Variants in MAD1L1 observed in about 807,000 individuals in gnomAD.
MAD1L1 encodes the protein mitotic spindle assembly checkpoint protein MAD1.
MAD1L1 carries 95 observed loss-of-function variants against 96.9 expected under a neutral mutation model. That is an observed-to-expected ratio of 0.98 (90% CI 0.83 to 1.16). MAD1L1 has a LOEUF of 1.16. Among genes scored for constraint, MAD1L1 ranks in the 50% most tolerant of loss-of-function variants. The pLI, the probability that MAD1L1 is intolerant of heterozygous loss-of-function variation, is 0.00. For synonymous variants in MAD1L1, 473 were observed against 396.6 expected, an observed-to-expected ratio of 1.19 and a Z score of -2.29; for missense variants, 1,007 against 954.4, an observed-to-expected ratio of 1.06 and a Z score of -0.73.
At chr7:1,894,729 T>TA (rs1786760422) in intron 18 of MAD1L1, among the ~76,000 whole-genome samples, 1 of 151,178 alleles carries the variant, frequency 6.6e-6, no homozygotes, top group Non-Finnish European at 1.5e-5. Context: ...AGCGGGGTGC[T>TA]AGGCACAGCT....
intron 13 of MAD1L1, among the ~76,000 whole-genome samples, chr7:2,013,471 G>A (rs996860950): frequency 2.6e-5 from 4 of 152,176 alleles, no homozygotes; most frequent in Admixed American, 6.5e-5. Flanking sequence ...ACACCAGCTC[G>A]GTGACCTGGG....
At chr7:2,030,671 G>T (rs576044872) in intron 12 of MAD1L1, among the ~76,000 whole-genome samples, 10 of 152,348 alleles carry the variant, frequency 6.6e-5, no homozygotes, top group Non-Finnish European at 1.5e-4. Flanking sequence ...AGAGGAAACT[G>T]AGAATGAGGA....
intron 14 of MAD1L1, among the ~76,000 whole-genome samples, chr7:1,985,911 C>T (rs923535858): frequency 6.6e-6 from 1 of 152,204 alleles, no homozygotes. Flanking sequence ...TCTACCGCCT[C>T]GTTAACTTTT....
chr7:2,185,506 A>T (rs550951935), intron 10 of MAD1L1, among the ~76,000 whole-genome samples: 3 of 152,232 alleles, frequency 2.0e-5, no homozygotes, highest in African/African-American at 7.2e-5. Context: ...TTATTATCTC[A>T]AAAAAATGTT....
chr7:2,113,343 G>A (rs1269535818), intron 11 of MAD1L1, among the ~76,000 whole-genome samples: 2 of 152,240 alleles, frequency 1.3e-5, no homozygotes, highest in African/African-American at 2.4e-5. Flanking sequence ...GCTTTGGGAG[G>A]CTGAGGTGGG....
chr7:1,880,834 A>G (rs1448098305), intron 18 of MAD1L1, among the ~76,000 whole-genome samples: 2 of 152,184 alleles, frequency 1.3e-5, no homozygotes, highest in Non-Finnish European at 2.9e-5. Flanking sequence ...TGGAACTGAG[A>G]GACGGTGAGC....
At chr7:1,861,997 G>A (rs909044801) in intron 18 of MAD1L1, among the ~76,000 whole-genome samples, 1 of 152,172 alleles carries the variant, frequency 6.6e-6, no homozygotes, top group Non-Finnish European at 1.5e-5. Context: ...GAGCCCCACC[G>A]CCATGCAGGG....
intron 12 of MAD1L1, among the ~76,000 whole-genome samples, chr7:2,031,013 C>T (rs1783201503): frequency 6.6e-6 from 1 of 152,232 alleles, no homozygotes; most frequent in Non-Finnish European, 1.5e-5. Context: ...TCTATTTCTG[C>T]TGGGCGACTG....
chr7:1,925,139 C>G (rs1230972673), intron 17 of MAD1L1, among the ~76,000 whole-genome samples: 3 of 152,178 alleles, frequency 2.0e-5, no homozygotes, highest in African/African-American at 4.8e-5. Context: ...CAAAACACAT[C>G]TATTAATCGG....
In MAD1L1 at chr7:2,143,426, C is replaced by T. The variant is rs540880433; in HGVS notation, c.1073+5726G>A. ...CGTCCTTGAGAGGACGGCCTAACCACCTGGGACCAACAGCAGGAAAGACTC... is the reference window on the plus strand; with the variant it reads ...CGTCCTTGAGAGGACGGCCTAACCATCTGGGACCAACAGCAGGAAAGACTC... On this transcript the variant is annotated intron_variant, in intron 11 of 18. Transcript: ENST00000265854. Among the ~76,000 whole-genome samples the T allele has an allele frequency of 2.0e-5, 3 of 151,384 alleles. No homozygotes were observed. In the South Asian group the frequency reaches 6.3e-4, roughly 32 times the overall value.
At chr7:1,972,652 A>AT (rs56799065) in intron 15 of MAD1L1, among the ~76,000 whole-genome samples, 5,480 of 145,274 alleles carry the variant, frequency 0.038, 221 homozygotes, top group African/African-American at 0.093. Flanking sequence ...AATTTTCTCT[A>AT]TTTTTTTTTT....
Position 2,208,911 on chromosome 7 carries a change from C to G in MAD1L1, c.986+4301G>C, listed in dbSNP as rs114110101. 7.9e-3 allele frequency among the ~76,000 whole-genome samples: 1,207 copies of G among 152,230 alleles called. 16 individuals carry two copies. Among genetic ancestry groups the G allele is most frequent in the African/African-American group, 0.027 (1,136 of 41,524 alleles). On this transcript the variant is annotated intron_variant, in intron 10 of 18. Transcript: ENST00000265854. ...GACCAAGCTGATCACATCGCTGCCTCCAGACACACGCCTCGCACTGCTGCT... is the reference window on the plus strand; with the variant it reads ...GACCAAGCTGATCACATCGCTGCCTGCAGACACACGCCTCGCACTGCTGCT...
chr7:1,864,263 G>C (rs1784668085), intron 18 of MAD1L1, among the ~76,000 whole-genome samples: 1 of 152,194 alleles, frequency 6.6e-6, no homozygotes, highest in African/African-American at 2.4e-5. Flanking sequence ...ACCTGAAGGA[G>C]GAGGGGAGGC....
At chr7:2,108,373 G>A (rs943840346) in intron 11 of MAD1L1, among the ~76,000 whole-genome samples, 1 of 152,194 alleles carries the variant, frequency 6.6e-6, no homozygotes, top group Non-Finnish European at 1.5e-5. Flanking sequence ...TCTACTGGAG[G>A]ACAGAGAGGA....
At chr7:2,061,314 G>A (rs1205771326) in intron 12 of MAD1L1, among the ~76,000 whole-genome samples, 2 of 152,104 alleles carry the variant, frequency 1.3e-5, no homozygotes, top group African/African-American at 4.8e-5. Context: ...TCCAGCCTGG[G>A]CAACAGAGTG....
intron 18 of MAD1L1, among the ~76,000 whole-genome samples, chr7:1,889,691 G>A (rs990826683): frequency 2.0e-5 from 3 of 152,228 alleles, no homozygotes; most frequent in East Asian, 1.9e-4. Context: ...TCTTTCCCCT[G>A]GGCTGACTCA....
At chr7:2,164,847 G>A (rs888972655) in intron 10 of MAD1L1, among the ~76,000 whole-genome samples, 10 of 152,124 alleles carry the variant, frequency 6.6e-5, no homozygotes, top group East Asian at 5.8e-4. Flanking sequence ...TAAGGAGGCC[G>A]ACCATGACAA....
chr7:2,135,948 C>T (rs533430628), intron 11 of MAD1L1, among the ~76,000 whole-genome samples: 5 of 152,338 alleles, frequency 3.3e-5, no homozygotes, highest in East Asian at 1.9e-4. Context: ...CGGCCCAACG[C>T]TCTCTAGTCC....
chr7:2,216,368 A>G, intron 7 of MAD1L1, 81 bp from the exon 8 acceptor site: 2 of 1,444,164 alleles, frequency 1.4e-6, no homozygotes, highest in Non-Finnish European at 1.9e-6. Context: ...CACGGCTAAG[A>G]GAAGGAAGCC....
Sources: gnomAD v4.1 joint callset for allele counts (sites outside exome capture counted in the v4.1 genomes callset) on GRCh38, gnomAD v4.1.1 for gene constraint, MANE v1.5 for transcripts, NCBI Gene and HGNC (gene_info 2026-07-23, HGNC 2026-07-21) for gene names.